The following GPRASP3 variants were observed in gnomAD, a reference collection of about 807,000 sequenced individuals.
The protein encoded by GPRASP3 is G protein-coupled receptor associated sorting protein 3.
At chrX:102,731,108 C>A in the GPRASP3 span, among the ~76,000 whole-genome samples, 1 of 112,449 alleles carries the variant, frequency 8.9e-6, no homozygotes, top group Non-Finnish European at 1.9e-5. Context: ...AACATCCAAC[C>A]ACAGATCCAG....
chrX:102,733,315 C>T, the GPRASP3 span, among the ~76,000 whole-genome samples: 22 of 109,785 alleles, frequency 2.0e-4, no homozygotes, highest in East Asian at 5.8e-4. Flanking sequence ...AAAAATTAGC[C>T]GGGCATGGTG....
chrX:102,742,026 A>G, the GPRASP3 span, among the ~76,000 whole-genome samples: 1 of 112,328 alleles, frequency 8.9e-6, no homozygotes, highest in Non-Finnish European at 1.9e-5. Flanking sequence ...AGGTACAATA[A>G]TATAGGTCAG....
chrX:102,732,635 C>G, the GPRASP3 span, among the ~76,000 whole-genome samples: 1 of 111,740 alleles, frequency 8.9e-6, no homozygotes, highest in African/African-American at 3.3e-5. Context: ...CTCCAGTCCT[C>G]GTGATTTTTT....
At chrX:102,725,781 A>C in the GPRASP3 span, among the ~76,000 whole-genome samples, 1 of 112,458 alleles carries the variant, frequency 8.9e-6, no homozygotes, top group Non-Finnish European at 1.9e-5. Context: ...TCCTGACCTC[A>C]GGTGATCCAC....
At chrX:102,722,401 C>A in the GPRASP3 span, among the ~76,000 whole-genome samples, 1 of 112,487 alleles carries the variant, frequency 8.9e-6, no homozygotes, top group Non-Finnish European at 1.9e-5. Flanking sequence ...TTGGGGTACA[C>A]CACCTTCCCA....
chrX:102,728,569 CTTTTTTTTTT>C, the GPRASP3 span, among the ~76,000 whole-genome samples: 1 of 61,784 alleles, frequency 1.6e-5, no homozygotes. Context: ...ATGTGCACTG[CTTTTTTTTTT>C]TTTTTTTTTT....
chrX:102,729,226 TA>T, the GPRASP3 span, among the ~76,000 whole-genome samples: 5 of 110,464 alleles, frequency 4.5e-5, no homozygotes, highest in South Asian at 1.5e-3. Context: ...CTTCATTTTT[TA>T]AAAAAAAAGC....
the GPRASP3 span, among the ~76,000 whole-genome samples, chrX:102,724,147 G>A: frequency 8.9e-6 from 1 of 111,832 alleles, no homozygotes; most frequent in Middle Eastern, 4.7e-3. Flanking sequence ...AGAAGCATGG[G>A]TGGCTTCCTG....
chrX:102,749,320 G>A, the GPRASP3 span: 1 of 1,212,010 alleles, frequency 8.3e-7, no homozygotes. Context: ...TGGTACTGAT[G>A]CCTGGTTCTG....
chrX:102,740,968 T>C, the GPRASP3 span, among the ~76,000 whole-genome samples: 1 of 111,843 alleles, frequency 8.9e-6, no homozygotes, highest in African/African-American at 3.3e-5. Context: ...TAGATATCTC[T>C]TAACATCTGA....
At chrX:102,723,740 A>C in the GPRASP3 span, among the ~76,000 whole-genome samples, 1 of 111,861 alleles carries the variant, frequency 8.9e-6, no homozygotes, top group South Asian at 3.8e-4. Flanking sequence ...ACTGGTCACC[A>C]GAAGGACCAA....
the GPRASP3 span, among the ~76,000 whole-genome samples, chrX:102,728,328 A>G: frequency 2.7e-5 from 3 of 111,547 alleles, no homozygotes; most frequent in Non-Finnish European, 5.6e-5. Context: ...CTGGAATCAC[A>G]GGCATGAGCC....
chrX:102,731,328 A>T, the GPRASP3 span, among the ~76,000 whole-genome samples: 1 of 112,476 alleles, frequency 8.9e-6, no homozygotes, highest in Non-Finnish European at 1.9e-5. Flanking sequence ...AAGTTTATTT[A>T]AAAAGGCTTC....
chrX:102,739,539 G>A, the GPRASP3 span, among the ~76,000 whole-genome samples: 1 of 111,551 alleles, frequency 9.0e-6, no homozygotes. Flanking sequence ...ACATAAAGCC[G>A]TAACCTCTGA....
chrX:102,730,401 C>T, the GPRASP3 span, among the ~76,000 whole-genome samples: 1 of 112,556 alleles, frequency 8.9e-6, no homozygotes, highest in African/African-American at 3.2e-5. Context: ...CCTAACAGGC[C>T]ATGGACGGGT....
the GPRASP3 span, among the ~76,000 whole-genome samples, chrX:102,748,403 G>A: frequency 9.0e-6 from 1 of 111,386 alleles, no homozygotes; most frequent in African/African-American, 3.3e-5. Flanking sequence ...TTTAGTGGTG[G>A]ACCTACTAGC....
chrX:102,724,490 A>G, the GPRASP3 span, among the ~76,000 whole-genome samples: 104 of 111,123 alleles, frequency 9.4e-4, no homozygotes, highest in Non-Finnish European at 1.4e-3. Flanking sequence ...ATATCTATCT[A>G]TGTGTCTATC....
the GPRASP3 span, chrX:102,720,912 C>G: frequency 1.8e-5 from 2 of 112,001 alleles, no homozygotes; most frequent in Middle Eastern, 4.6e-3. Flanking sequence ...GGAAACAATC[C>G]GTCAGCCAAC....
the GPRASP3 span, among the ~76,000 whole-genome samples, chrX:102,732,843 T>G: frequency 8.9e-6 from 1 of 111,917 alleles, no homozygotes; most frequent in Admixed American, 9.5e-5. Context: ...GTTTGTACCT[T>G]CAAATACCTA....
Sources: allele counts gnomAD v4.1 joint callset (sites outside exome capture counted in the v4.1 genomes callset), GRCh38; gene constraint gnomAD v4.1.1; transcripts MANE v1.5; gene names NCBI Gene and HGNC (gene_info 2026-07-23, HGNC 2026-07-21).